Variants in MACROD1 observed in about 807,000 individuals in gnomAD.
The protein encoded by MACROD1 is ADP-ribose glycohydrolase MACROD1.
MACROD1 carries 31 observed loss-of-function variants against 41.4 expected under a neutral mutation model. The observed-to-expected ratio is 0.75, with a 90% confidence interval of 0.56 to 1.01. The LOEUF (loss-of-function observed/expected upper bound fraction) is 1.01. Ranked by LOEUF, MACROD1 falls within the 50% of genes least tolerant of loss-of-function variation. The probability of loss-of-function intolerance (pLI) is 0.00; values close to 1 mark genes in which losing one functional copy is unlikely to be tolerated. For missense variants in MACROD1, 473 were observed against 460.0 expected, an observed-to-expected ratio of 1.03 and a Z score of -0.26; for synonymous variants, 252 against 203.4, an observed-to-expected ratio of 1.24 and a Z score of -2.03.
Position 64,152,288 on chromosome 11 carries a change from C to T in MACROD1, c.400+4G>A. 6.2e-7 allele frequency: 1 copy of T among 1,614,180 alleles called. No homozygotes were observed. Among genetic ancestry groups the T allele is most frequent in the South Asian group, 1.1e-5 (1 of 91,092 alleles). On this transcript the variant is annotated splice_donor_region_variant and intron_variant, in intron 2 of 10. Coordinates refer to ENST00000255681, the MANE Select transcript of MACROD1 (RefSeq NM_014067.4). ...CACCAGGGCCTCCCCCGAGCAGGGC[C>T]TACCTTTCGCCATCTCCTTCCATGT...
At chr11:64,123,345 T>A (rs1449945536) in intron 3 of MACROD1, among the ~76,000 whole-genome samples, 1 of 152,230 alleles carries the variant, frequency 6.6e-6, no homozygotes, top group Non-Finnish European at 1.5e-5. Context: ...GAGGCATTTT[T>A]TTTTCTTAAG....
chr11:64,080,804 G>A (rs983529714), intron 3 of MACROD1, among the ~76,000 whole-genome samples: 1 of 152,068 alleles, frequency 6.6e-6, no homozygotes, highest in Non-Finnish European at 1.5e-5. Context: ...CAGTGTCCTC[G>A]GGCTCAGTGA....
chr11:64,152,278 C>T lies in MACROD1; in HGVS notation c.400+14G>A, dbSNP rs373809533. The stretch of plus-strand genomic sequence containing the variant: ...GGAGCCTGCCCACCAGGGCCTCCCC[C>T]GAGCAGGGCCTACCTTTCGCCATCT... On this transcript the variant is annotated intron_variant, in intron 2 of 10. Coordinates refer to ENST00000255681, the MANE Select transcript of MACROD1 (RefSeq NM_014067.4). 3.5e-5 allele frequency: 56 copies of T among 1,613,388 alleles called. No homozygotes were observed. The Admixed American group carries it at 4.0e-4, about 12-fold the overall frequency.
At chr11:64,133,142 T>C (rs972360383) in intron 3 of MACROD1, among the ~76,000 whole-genome samples, 1 of 152,164 alleles carries the variant, frequency 6.6e-6, no homozygotes, top group East Asian at 1.9e-4. Flanking sequence ...CCCCAGCGCC[T>C]TGGATTCCTG....
intron 3 of MACROD1, among the ~76,000 whole-genome samples, chr11:64,022,563 G>A (rs1276524523): frequency 5.3e-5 from 8 of 152,164 alleles, no homozygotes; most frequent in Non-Finnish European, 1.0e-4. Context: ...AGGGCGAGTC[G>A]TTTAAAACAT....
Position 64,049,924 on chromosome 11 carries a change from G to C in MACROD1, c.518-34643C>G, listed in dbSNP as rs576268014. Among the ~76,000 whole-genome samples the C allele has an allele frequency of 2.6e-5, 4 of 152,322 alleles. 1 individual carries two copies. Among genetic ancestry groups the C allele is most frequent in the African/African-American group, 9.6e-5 (4 of 41,576 alleles). On this transcript the variant is annotated intron_variant, in intron 3 of 10. Transcript: ENST00000255681. ...CAGACCAAGACGCTGTGGCCCCGGG[G>C]GGGAGGCCAAACCTCTCTCAGAGCC... is the stretch of plus-strand genomic sequence containing the variant.
At chr11:64,068,865 T>TC (rs559566271) in intron 3 of MACROD1, among the ~76,000 whole-genome samples, 1 of 152,216 alleles carries the variant, frequency 6.6e-6, no homozygotes, top group South Asian at 2.1e-4. Flanking sequence ...GCCTCGGCCT[T>TC]CCCCGGAGGT....
Position 64,000,006 on chromosome 11 carries a change from C to G in MACROD1, c.664+221G>C, listed in dbSNP as rs1004137902. ...TGAGACCCGAGCGCGAGTGTGGGCG[C>G]GAAGGCGTTGCCCCCCAGCTCCATC... On this transcript the variant is annotated intron_variant, in intron 5 of 10. Transcript: ENST00000255681. 2.0e-5 allele frequency: 13 copies of G among 637,346 alleles called. No individual in the cohort carries two copies. In the Admixed American group the frequency reaches 2.1e-4, roughly 10 times the overall value. 39.5% of individuals were successfully genotyped at this position (637,346 alleles called of 1,614,324 possible).
rs1349199822 is a variant in MACROD1, at chr11:64,096,352, C to T, written c.517+54887G>A. 2.0e-5 allele frequency among the ~76,000 whole-genome samples: 3 copies of T among 152,074 alleles called. No homozygotes were observed. Among genetic ancestry groups the T allele is most frequent in the Non-Finnish European group, 4.4e-5 (3 of 68,000 alleles). On this transcript the variant is annotated intron_variant, in intron 3 of 10. Transcript: ENST00000255681. This position sits in a 1 kb window ranked among gnomAD's most constrained non-coding sequence, Gnocchi z 4.6. ...GGCTGGACACGGTCCCTAATGGGCACGGGCGACGCATTACAGTGAGGTCTG... is the reference window on the plus strand; with the variant it reads ...GGCTGGACACGGTCCCTAATGGGCATGGGCGACGCATTACAGTGAGGTCTG...
At chr11:64,163,161 C>T (rs1345737270) in intron 1 of MACROD1, among the ~76,000 whole-genome samples, 8 of 145,174 alleles carry the variant, frequency 5.5e-5, no homozygotes, top group Admixed American at 3.4e-4. Context: ...AAAAATTAGC[C>T]GGGTATAGTG....
intron 3 of MACROD1, among the ~76,000 whole-genome samples, chr11:64,098,504 G>T (rs752056573): frequency 4.6e-5 from 7 of 152,232 alleles, no homozygotes; most frequent in Non-Finnish European, 1.0e-4. Flanking sequence ...GTGCCCTCGG[G>T]AGAGAGGGAA....
chr11:64,165,038 C>T (rs1330146019), intron 1 of MACROD1, among the ~76,000 whole-genome samples: 1 of 152,222 alleles, frequency 6.6e-6, no homozygotes. Flanking sequence ...AACCTCTGTT[C>T]CTGGCATGAG....
intron 1 of MACROD1, among the ~76,000 whole-genome samples, chr11:64,155,001 G>A (rs1165476716): frequency 6.6e-6 from 1 of 152,236 alleles, no homozygotes; most frequent in Non-Finnish European, 1.5e-5. Context: ...TTACAGGCGT[G>A]AGCCACGGCG....
intron 3 of MACROD1, among the ~76,000 whole-genome samples, chr11:64,114,389 GTGAA>G (rs1944931771): frequency 9.1e-6 from 1 of 109,398 alleles, no homozygotes; most frequent in African/African-American, 3.1e-5. Context: ...GGATGGATGG[GTGAA>G]TGGACAGGTG....
intron 1 of MACROD1, among the ~76,000 whole-genome samples, chr11:64,158,026 C>T (rs1175833532): frequency 6.6e-6 from 1 of 152,172 alleles, no homozygotes. Flanking sequence ...GGCAAGGCTG[C>T]GTCCCCAAAA....
At chr11:64,059,711 C>CA (rs1943860173) in intron 3 of MACROD1, among the ~76,000 whole-genome samples, 1 of 152,230 alleles carries the variant, frequency 6.6e-6, no homozygotes, top group Admixed American at 6.5e-5. Flanking sequence ...AGGGGCAGGT[C>CA]ACTCAGCTAC....
At chr11:64,027,393 G>A (rs1943236813) in intron 3 of MACROD1, among the ~76,000 whole-genome samples, 3 of 152,182 alleles carry the variant, frequency 2.0e-5, no homozygotes, top group Admixed American at 6.5e-5. Flanking sequence ...GGATGGTGGT[G>A]GCTGAGGATG....
At chr11:64,018,360 C>T (rs1372092689) in intron 3 of MACROD1, among the ~76,000 whole-genome samples, 4 of 152,194 alleles carry the variant, frequency 2.6e-5, no homozygotes, top group African/African-American at 7.2e-5. Flanking sequence ...TTCCCTGGGC[C>T]CCCGTTCTGG....
In MACROD1 at chr11:64,067,498, C is replaced by T. The variant is rs1414135606; in HGVS notation, c.518-52217G>A. ...CAGAAGGGAGGAGATAGGTCGGGGA[C>T]GGGGACAGACGGCACCTCCCCAACT... is the stretch of plus-strand genomic sequence containing the variant. On this transcript the variant is annotated intron_variant, in intron 3 of 10. Coordinates refer to ENST00000255681, the MANE Select transcript of MACROD1 (RefSeq NM_014067.4). The surrounding 1 kb of genome is among the most constrained non-coding windows in gnomAD (Gnocchi z 4.6). 1.3e-5 allele frequency among the ~76,000 whole-genome samples: 2 copies of T among 152,038 alleles called. No homozygotes were observed. The highest frequency in any genetic ancestry group is 1.9e-4 in the East Asian group (1 of 5,172).
Sources: gnomAD v4.1 joint callset for allele counts (sites outside exome capture counted in the v4.1 genomes callset) on GRCh38, gnomAD v4.1.1 for gene constraint, Gnocchi (gnomAD v3.1) non-coding constraint, MANE v1.5 for transcripts, NCBI Gene and HGNC (gene_info 2026-07-23, HGNC 2026-07-21) for gene names.